Variants in WDR17 observed in about 807,000 individuals in gnomAD.
WDR17 encodes the protein WD repeat domain 17, also known as WD repeat-containing protein 17.
WDR17 carries 143 observed loss-of-function variants against 161.7 expected under a neutral mutation model. The observed-to-expected ratio is 0.88, with a 90% CI of 0.77 to 1.02. The LOEUF (loss-of-function observed/expected upper bound fraction) is 1.02, where lower values mean the gene tolerates loss of function less well. WDR17 is among the 50% of genes least tolerant of loss of function. The probability of loss-of-function intolerance (pLI) is 0.00; values close to 1 mark genes in which losing one functional copy is unlikely to be tolerated. For synonymous variants in WDR17, 517 were observed against 515.6 expected (o/e 1.00, Z -0.04); for missense variants, 1,469 against 1,520.9 (o/e 0.97, Z 0.57).
At chr4:176,107,995 C>T (rs1739065799) in intron 1 of WDR17, among the ~76,000 whole-genome samples, 1 of 149,702 alleles carries the variant, frequency 6.7e-6, no homozygotes, top group Non-Finnish European at 1.5e-5. Context: ...TTTCCTTCCT[C>T]CCTTCCACCC....
At chr4:176,067,183 T>A (rs1732638496) in intron 1 of WDR17, among the ~76,000 whole-genome samples, 1 of 152,224 alleles carries the variant, frequency 6.6e-6, no homozygotes, top group African/African-American at 2.4e-5. Context: ...TAGTTATATC[T>A]AACTGTTTTG....
intron 2 of WDR17, among the ~76,000 whole-genome samples, chr4:176,115,213 T>G (rs1740408260): frequency 6.6e-6 from 1 of 151,822 alleles, no homozygotes; most frequent in African/African-American, 2.4e-5. Flanking sequence ...AGAGATTAAT[T>G]CACTAATTAA....
At position 176,082,178 on chromosome 4, in the gene WDR17, GATTA is replaced by G. The variant is rs534007493; in HGVS notation, c.-7+16103_-7+16106del. On this transcript the variant is annotated intron_variant, in intron 1 of 28. Coordinates refer to ENST00000508596, the MANE Select transcript of WDR17 (RefSeq NM_181265.4). ...TAAAATGATGCAACAGATATATATG[GATTA>G]ATTTTTTCACTAAATAATATGTCAC... Among the ~76,000 whole-genome samples the G allele has an allele frequency of 4.0e-3, 607 of 152,058 alleles. 5 individuals carry two copies. Among genetic ancestry groups the G allele is most frequent in the African/African-American group, 0.013 (556 of 41,494 alleles).
intron 2 of WDR17, among the ~76,000 whole-genome samples, chr4:176,113,636 T>C (rs1471159121): frequency 6.6e-6 from 1 of 152,012 alleles, no homozygotes; most frequent in African/African-American, 2.4e-5. Flanking sequence ...GTTTTAAATA[T>C]TATCATCTCA....
Position 176,150,614 on chromosome 4 carries a change from T to C in WDR17, c.2304+21T>C, listed in dbSNP as rs200782400. 1.3e-5 allele frequency: 21 copies of C among 1,556,750 alleles called. No individual in the cohort carries two copies. The Admixed American group carries it at 1.9e-4, about 14-fold the overall frequency. ...GAACAGTGAGTAAAATATGCAAATATGATGTACTCAAGCAAATTTTTTGCC... is the reference window on the plus strand; with the variant it reads ...GAACAGTGAGTAAAATATGCAAATACGATGTACTCAAGCAAATTTTTTGCC... On this transcript the variant is annotated intron_variant, in intron 16 of 28. Coordinates refer to ENST00000508596, the MANE Select transcript of WDR17 (RefSeq NM_181265.4).
At position 176,135,151 on chromosome 4, in the gene WDR17, A is replaced by T. The variant is rs144912494; in HGVS notation, c.1142A>T (p.Asp381Val). The change falls in exon 8 of 29, where the codon GAT becomes GTT. Residue 381 changes from aspartate (D) to valine (V), a missense_variant. Transcript: ENST00000508596. Reference protein sequence around the residue: ...TIFDCKFKPDDPNLLATASFD... With the variant: ...TIFDCKFKPDVPNLLATASFD... ...TTTGACTGCAAATTCAAACCTGACG[A>T]TCCTAATCTTTTAGCAACAGCTTCA... is the stretch of plus-strand genomic sequence containing the variant. 2 of 1,612,168 alleles carry T rather than the reference A, an allele frequency of 1.2e-6. No individual in the cohort carries two copies. Among genetic ancestry groups the T allele is most frequent in the Non-Finnish European group, 1.7e-6 (2 of 1,178,640 alleles).
At chr4:176,143,933 G>A (rs1421769015) in intron 11 of WDR17, among the ~76,000 whole-genome samples, 1 of 152,052 alleles carries the variant, frequency 6.6e-6, no homozygotes, top group Non-Finnish European at 1.5e-5. Context: ...ATTAACTGCA[G>A]GATAAAATGA....
intron 11 of WDR17, among the ~76,000 whole-genome samples, chr4:176,143,319 T>A (rs1297406536): frequency 2.0e-5 from 3 of 152,120 alleles, no homozygotes; most frequent in Non-Finnish European, 4.4e-5. Context: ...CCTTTTTATA[T>A]CTCACTTTCT....
intron 15 of WDR17, 115 bp downstream of exon 15, chr4:176,150,288 C>T: frequency 4.7e-6 from 7 of 1,491,434 alleles, no homozygotes; most frequent in Non-Finnish European, 6.3e-6. Context: ...GTAACTCTTA[C>T]CATAATCTGT....
intron 1 of WDR17, among the ~76,000 whole-genome samples, chr4:176,074,566 C>T (rs1474407231): frequency 3.3e-5 from 5 of 151,912 alleles, no homozygotes; most frequent in Non-Finnish European, 7.4e-5. Flanking sequence ...ACGTGGTCCT[C>T]ACACCTCAGC....
intron 1 of WDR17, among the ~76,000 whole-genome samples, chr4:176,076,214 AAT>A (rs1219401869): frequency 0.19 from 11,315 of 59,940 alleles, 472 homozygotes; most frequent in Admixed American, 0.22. Context: ...TTACATATAT[AAT>A]ATATATATAT....
intron 1 of WDR17, chr4:176,096,500 G>A (rs752147706): frequency 6.3e-7 from 1 of 1,594,284 alleles, no homozygotes; most frequent in South Asian, 1.1e-5. Flanking sequence ...CAATTGCCTT[G>A]ATTAAAGTAG....
intron 1 of WDR17, among the ~76,000 whole-genome samples, chr4:176,094,903 T>G (rs570237652): frequency 1.9e-4 from 29 of 152,260 alleles, no homozygotes; most frequent in African/African-American, 6.3e-4. Flanking sequence ...AAAACCTTAC[T>G]TGAAAGAGAT....
intron 8 of WDR17, among the ~76,000 whole-genome samples, chr4:176,137,305 G>C (rs1020095808): frequency 6.6e-6 from 1 of 151,512 alleles, no homozygotes; most frequent in Non-Finnish European, 1.5e-5. Flanking sequence ...GACAGAACAA[G>C]ATTGGCCCTA....
At chr4:176,093,041 CAAAAT>C (rs1269832695) in intron 1 of WDR17, among the ~76,000 whole-genome samples, 3 of 150,760 alleles carry the variant, frequency 2.0e-5, no homozygotes, top group Admixed American at 2.0e-4. Context: ...AACTGTGTCT[CAAAAT>C]AAAAAAGAAA....
intron 18 of WDR17, among the ~76,000 whole-genome samples, chr4:176,158,521 A>T (rs1320314022): frequency 1.8e-4 from 28 of 152,216 alleles, no homozygotes; most frequent in Admixed American, 1.8e-3. Flanking sequence ...CACGAAGATC[A>T]TTAGTTCTCT....
Position 176,155,625 on chromosome 4 carries a change from G to A in WDR17, c.2461-454G>A, listed in dbSNP as rs1747977920. Reference sequence around the variant, plus strand: ...AGTGATGTGATCACAACTCACTGCAGCCTTGAACCCCTGGGCTCAAACGAT... The same window carrying A: ...AGTGATGTGATCACAACTCACTGCAACCTTGAACCCCTGGGCTCAAACGAT... On this transcript the variant is annotated intron_variant, in intron 17 of 28. Coordinates refer to ENST00000508596, the MANE Select transcript of WDR17 (RefSeq NM_181265.4). 1.4e-5 allele frequency among the ~76,000 whole-genome samples: 2 copies of A among 138,688 alleles called. 1 individual carries two copies. The highest frequency in any genetic ancestry group is 4.7e-4 in the South Asian group (2 of 4,288). The allele number at this position is 138,688 out of a possible 152,430, so 91.0% of individuals were successfully genotyped here.
At chr4:176,076,584 G>A (rs1734065805) in intron 1 of WDR17, among the ~76,000 whole-genome samples, 2 of 151,064 alleles carry the variant, frequency 1.3e-5, no homozygotes, top group South Asian at 4.2e-4. Context: ...CCAGTGTTTT[G>A]GAAGAGTTTT....
Position 176,135,064 on chromosome 4 carries a change from G to C in WDR17, c.1099-44G>C, listed in dbSNP as rs1280170819. 3 of 1,581,784 alleles carry C rather than the reference G, an allele frequency of 1.9e-6. No homozygotes were observed. The East Asian group carries it at 6.7e-5, about 35-fold the overall frequency. On this transcript the variant is annotated intron_variant, in intron 7 of 28. Coordinates refer to ENST00000508596, the MANE Select transcript of WDR17 (RefSeq NM_181265.4). ...ATTGTGGTTCATCTATTAATAATGT[G>C]AATTTTCCTCAATAATTATGACTTT...
Sources: allele counts gnomAD v4.1 joint callset (sites outside exome capture counted in the v4.1 genomes callset), GRCh38; gene constraint gnomAD v4.1.1; transcripts MANE v1.5; gene names NCBI Gene and HGNC (gene_info 2026-07-23, HGNC 2026-07-21).